ANKH: variants seen among roughly 807,000 people sequenced by gnomAD.
ANKH encodes the protein ANKH inorganic pyrophosphate transport regulator.
A neutral mutation model predicts 49.0 loss-of-function variants in ANKH; 15 were observed. The ratio of observed to expected loss-of-function variants is 0.31; its 90% confidence interval spans 0.20 to 0.47. The LOEUF (loss-of-function observed/expected upper bound fraction) is 0.47. Ranked by LOEUF, ANKH falls within the 20% of genes least tolerant of loss-of-function variation. The probability of loss-of-function intolerance (pLI) is 1.00; values close to 1 mark genes in which losing one functional copy is unlikely to be tolerated. For synonymous variants in ANKH, 273 were observed against 260.0 expected, an observed-to-expected ratio of 1.05 and a Z score of -0.48; for missense variants, 429 against 652.0, an observed-to-expected ratio of 0.66 and a Z score of 3.72.
chr5:14,738,207 T>C (rs1026184812), intron 8 of ANKH, among the ~76,000 whole-genome samples: 9 of 152,186 alleles, frequency 5.9e-5, no homozygotes, highest in Non-Finnish European at 1.0e-4. Context: ...AAACACGTCA[T>C]TGTAACATGC....
chr5:14,751,330 A>G, intron 4 of ANKH, 91 bp from the exon 5 acceptor site: 1 of 1,324,236 alleles, frequency 7.6e-7, no homozygotes, highest in Non-Finnish European at 1.1e-6. Context: ...CCTGAGACAG[A>G]CCTCTGAGCA....
chr5:14,741,939 A>G lies in ANKH; in HGVS notation c.916-17T>C. 6.2e-7 allele frequency: 1 copy of G among 1,606,342 alleles called. No individual in the cohort carries two copies. Among genetic ancestry groups the G allele is most frequent in the Non-Finnish European group, 8.5e-7 (1 of 1,173,054 alleles). ...GGGGTTATTCTGGGGAAAGAAAACC[A>G]CAGTCATGAATGGGCCCGGCTTATC... is the stretch of plus-strand genomic sequence containing the variant. On this transcript the variant is annotated splice_polypyrimidine_tract_variant and intron_variant, in intron 7 of 11. Transcript: ENST00000284268.
intron 9 of ANKH, among the ~76,000 whole-genome samples, chr5:14,715,502 T>C (rs1239238050): frequency 2.6e-5 from 4 of 152,318 alleles, no homozygotes; most frequent in South Asian, 2.1e-4. Flanking sequence ...GTGGATCTTT[T>C]GGGGAAACCG....
At chr5:14,777,085 C>T (rs1449780485) in intron 1 of ANKH, among the ~76,000 whole-genome samples, 4 of 152,288 alleles carry the variant, frequency 2.6e-5, no homozygotes, top group African/African-American at 9.6e-5. Flanking sequence ...AGTTTGAGAC[C>T]AGCCCGGCAA....
chr5:14,755,000 TG>T (rs1467590864), intron 4 of ANKH, among the ~76,000 whole-genome samples: 1 of 145,080 alleles, frequency 6.9e-6, no homozygotes, highest in Non-Finnish European at 1.5e-5. Context: ...CACTTGAACC[TG>T]GGTAGTGGAG....
At chr5:14,778,933 C>G (rs185983487) in intron 1 of ANKH, among the ~76,000 whole-genome samples, 1 of 152,302 alleles carries the variant, frequency 6.6e-6, no homozygotes, top group South Asian at 2.1e-4. Context: ...TGCCCAGTTA[C>G]CCCTCTAGTC....
chr5:14,718,530 G>A (rs539363253), intron 8 of ANKH, among the ~76,000 whole-genome samples: 37 of 152,322 alleles, frequency 2.4e-4, no homozygotes, highest in African/African-American at 7.5e-4. Context: ...AGACATTCAC[G>A]CCAGACGCTT....
At chr5:14,752,538 C>G (rs1738754008) in intron 4 of ANKH, among the ~76,000 whole-genome samples, 1 of 152,192 alleles carries the variant, frequency 6.6e-6, no homozygotes, top group African/African-American at 2.4e-5. Context: ...TCAGCCCAGC[C>G]TTTGTCTAGA....
intron 1 of ANKH, among the ~76,000 whole-genome samples, chr5:14,826,966 G>C (rs1202917227): frequency 1.3e-5 from 2 of 152,150 alleles, no homozygotes; most frequent in African/African-American, 4.8e-5. Flanking sequence ...GAGAATGTGG[G>C]AAGTCTGGTC....
chr5:14,812,057 A>G (rs1004436405), intron 1 of ANKH, among the ~76,000 whole-genome samples: 3 of 151,430 alleles, frequency 2.0e-5, no homozygotes, highest in African/African-American at 7.3e-5. Flanking sequence ...CCTTTATAAA[A>G]TTCTTGCTGA....
intron 8 of ANKH, among the ~76,000 whole-genome samples, chr5:14,723,788 C>T (rs1394409231): frequency 6.6e-6 from 1 of 152,240 alleles, no homozygotes; most frequent in Non-Finnish European, 1.5e-5. Context: ...CAGCCCAAGA[C>T]ACATTCATTT....
At chr5:14,839,605 A>G (rs1485481882) in intron 1 of ANKH, among the ~76,000 whole-genome samples, 1 of 151,894 alleles carries the variant, frequency 6.6e-6, no homozygotes, top group Non-Finnish European at 1.5e-5. Context: ...CTAGATTTTG[A>G]TCAGTCTCCA....
In ANKH at chr5:14,725,492, G is replaced by A. The variant is rs1444256561; in HGVS notation, c.1012-8657C>T. Among the ~76,000 whole-genome samples, 1 of 152,192 alleles carries A rather than the reference G, an allele frequency of 6.6e-6. No homozygotes were observed. Among genetic ancestry groups the A allele is most frequent in the East Asian group, 1.9e-4 (1 of 5,194 alleles). Reference sequence around the variant, plus strand: ...CTTCTTATCCCATCACGGATGGCCAGACCTCTGGCACTCATCTGCAAACCC... The same window carrying A: ...CTTCTTATCCCATCACGGATGGCCAAACCTCTGGCACTCATCTGCAAACCC... On this transcript the variant is annotated intron_variant, in intron 8 of 11. Coordinates refer to ENST00000284268, the MANE Select transcript of ANKH (RefSeq NM_054027.6). This position sits in a 1 kb window ranked among gnomAD's most constrained non-coding sequence, Gnocchi z 4.0.
chr5:14,837,909 T>A (rs886843006), intron 1 of ANKH, among the ~76,000 whole-genome samples: 1 of 152,208 alleles, frequency 6.6e-6, no homozygotes, highest in Non-Finnish European at 1.5e-5. Flanking sequence ...GTGGCACATA[T>A]ATACCATGGA....
chr5:14,867,792 C>A (rs1204059406), intron 1 of ANKH, among the ~76,000 whole-genome samples: 1 of 152,136 alleles, frequency 6.6e-6, no homozygotes, highest in Non-Finnish European at 1.5e-5. Flanking sequence ...ATCTCCTGAC[C>A]TCATGATCCA....
intron 1 of ANKH, among the ~76,000 whole-genome samples, chr5:14,836,971 T>A (rs1741674244): frequency 6.6e-6 from 1 of 152,198 alleles, no homozygotes; most frequent in African/African-American, 2.4e-5. Context: ...ACCACACATC[T>A]ACAACCATCT....
At chr5:14,807,273 C>T (rs7710944) in intron 1 of ANKH, among the ~76,000 whole-genome samples, 1 of 152,026 alleles carries the variant, frequency 6.6e-6, no homozygotes, top group Admixed American at 6.6e-5. Flanking sequence ...CACCACCATG[C>T]CTGGCTAATT....
At chr5:14,827,128 G>A (rs1041650531) in intron 1 of ANKH, among the ~76,000 whole-genome samples, 2 of 152,206 alleles carry the variant, frequency 1.3e-5, no homozygotes, top group Non-Finnish European at 2.9e-5. Flanking sequence ...ACCACTGTGC[G>A]CTCTGGCAGT....
intron 3 of ANKH, among the ~76,000 whole-genome samples, chr5:14,757,434 T>A (rs1679132): frequency 0.24 from 27,472 of 112,248 alleles, 2,526 homozygotes; most frequent in Non-Finnish European, 0.29. Flanking sequence ...ATATATATTT[T>A]TTTTTTTTTT....
Sources: allele counts gnomAD v4.1 joint callset (sites outside exome capture counted in the v4.1 genomes callset), GRCh38; gene constraint gnomAD v4.1.1; non-coding constraint Gnocchi (gnomAD v3.1); transcripts MANE v1.5; gene names NCBI Gene and HGNC (gene_info 2026-07-23, HGNC 2026-07-21).